The following NLGN4X variants were observed in gnomAD, a reference collection of about 807,000 sequenced individuals.
NLGN4X encodes neuroligin 4 X-linked.
A neutral mutation model predicts 40.3 loss-of-function variants in NLGN4X; 3 were observed. The ratio of observed to expected loss-of-function variants is 0.07; its 90% CI spans 0.03 to 0.19. NLGN4X has a LOEUF of 0.19. Among genes scored for constraint, NLGN4X ranks in the 10% least tolerant of loss-of-function variants. NLGN4X has a pLI of 1.00. For missense variants in NLGN4X, 382 were observed against 708.3 expected (o/e 0.54, Z 5.23); for synonymous variants, 270 against 306.8 (o/e 0.88, Z 1.25).
At chrX:6,198,887 G>A (rs948473217) in intron 1 of NLGN4X, among the ~76,000 whole-genome samples, 2 of 111,483 alleles carry the variant, frequency 1.8e-5, no homozygotes, top group African/African-American at 6.5e-5. Context: ...ACAAAAACAG[G>A]AAAATACAAA....
chrX:6,017,764 G>C (rs2036430288), intron 3 of NLGN4X, among the ~76,000 whole-genome samples: 1 of 111,775 alleles, frequency 8.9e-6, no homozygotes, highest in Non-Finnish European at 1.9e-5. Flanking sequence ...CTCCCAGTCA[G>C]CCACACAATC....
At chrX:6,163,864 G>A (rs1176505617) in intron 1 of NLGN4X, among the ~76,000 whole-genome samples, 1 of 112,950 alleles carries the variant, frequency 8.9e-6, no homozygotes, top group Non-Finnish European at 1.9e-5. Context: ...ACTAATACTT[G>A]AACTTGGAAG....
intron 2 of NLGN4X, among the ~76,000 whole-genome samples, chrX:6,042,787 C>G (rs1410119169): frequency 2.2e-5 from 2 of 89,371 alleles, no homozygotes; most frequent in East Asian, 7.4e-4. Context: ...TACTAGAAAC[C>G]TAATAATGCC....
intron 1 of NLGN4X, among the ~76,000 whole-genome samples, chrX:6,170,921 T>C (rs771549660): frequency 2.7e-5 from 3 of 111,465 alleles, no homozygotes; most frequent in East Asian, 5.7e-4. Flanking sequence ...CCTTCCAGGC[T>C]CCAGCAATCT....
chrX:6,147,468 A>G (rs1382248942), intron 2 of NLGN4X, among the ~76,000 whole-genome samples: 1 of 112,361 alleles, frequency 8.9e-6, no homozygotes, highest in Non-Finnish European at 1.9e-5. Context: ...TTCTGTGTTC[A>G]GTCTCCTTGG....
At chrX:6,167,059 G>A (rs1436400754) in intron 1 of NLGN4X, among the ~76,000 whole-genome samples, 7 of 69,825 alleles carry the variant, frequency 1.0e-4, no homozygotes, top group Admixed American at 3.9e-4. Flanking sequence ...GTGACAGAGT[G>A]AAACTGTCTC....
At chrX:6,165,298 A>ATG (rs1174525552) in intron 1 of NLGN4X, among the ~76,000 whole-genome samples, 1 of 111,579 alleles carries the variant, frequency 9.0e-6, no homozygotes, top group African/African-American at 3.3e-5. Context: ...GAAGAATAGG[A>ATG]TGGAAGAAAA....
chrX:5,935,663 T>C (rs1014759640), intron 3 of NLGN4X, among the ~76,000 whole-genome samples: 4 of 112,101 alleles, frequency 3.6e-5, no homozygotes, highest in Non-Finnish European at 7.5e-5. Flanking sequence ...CTGAACTCTT[T>C]ACATAAGGCC....
chrX:6,199,752 A>T (rs1469730934), intron 1 of NLGN4X, among the ~76,000 whole-genome samples: 1 of 112,369 alleles, frequency 8.9e-6, no homozygotes, highest in African/African-American at 3.2e-5. Flanking sequence ...AAATACAGGC[A>T]AAAAATGTAA....
chrX:6,075,881 C>A (rs191539364), intron 2 of NLGN4X, among the ~76,000 whole-genome samples: 115 of 111,526 alleles, frequency 1.0e-3, no homozygotes, highest in African/African-American at 3.5e-3. Flanking sequence ...ATATGTCACC[C>A]AGTCTCAGAG....
chrX:6,018,921 C>T (rs763749244), intron 3 of NLGN4X, among the ~76,000 whole-genome samples: 157 of 112,420 alleles, frequency 1.4e-3, no homozygotes, highest in Non-Finnish European at 2.6e-3. Context: ...ACTTTTTACA[C>T]TGAAAATTAA....
intron 3 of NLGN4X, among the ~76,000 whole-genome samples, chrX:5,947,257 C>T (rs1199077200): frequency 4.5e-5 from 5 of 111,686 alleles, no homozygotes; most frequent in Non-Finnish European, 9.4e-5. Context: ...ACGGAATGGC[C>T]ACACTGCTTT....
At chrX:6,225,899 C>A (rs368595051) in intron 1 of NLGN4X, among the ~76,000 whole-genome samples, 39 of 84,393 alleles carry the variant, frequency 4.6e-4, no homozygotes, top group Admixed American at 6.3e-4. Flanking sequence ...CCGCCCCCCC[C>A]AAAAAAAATG....
At chrX:6,120,112 C>A (rs955156881) in intron 2 of NLGN4X, among the ~76,000 whole-genome samples, 5 of 111,281 alleles carry the variant, frequency 4.5e-5, no homozygotes, top group Non-Finnish European at 9.4e-5. Flanking sequence ...AAGCCCGAAG[C>A]TGCAATGAGC....
At chrX:6,158,612 C>T (rs996880059) in intron 1 of NLGN4X, among the ~76,000 whole-genome samples, 1 of 112,306 alleles carries the variant, frequency 8.9e-6, no homozygotes, top group Admixed American at 9.4e-5. Context: ...GAAACATGCA[C>T]GGAAATGTCC....
chrX:6,134,968 G>T (rs1054381362), intron 2 of NLGN4X, among the ~76,000 whole-genome samples: 1 of 112,829 alleles, frequency 8.9e-6, no homozygotes, highest in African/African-American at 3.2e-5. Flanking sequence ...AAACGCTTAG[G>T]CTGAAGTTTG....
chrX:6,202,630 C>T (rs1427501011), intron 1 of NLGN4X, among the ~76,000 whole-genome samples: 1 of 111,013 alleles, frequency 9.0e-6, no homozygotes, highest in Non-Finnish European at 1.9e-5. Flanking sequence ...CCACCATGCC[C>T]CTCTGAAAAC....
intron 3 of NLGN4X, among the ~76,000 whole-genome samples, chrX:5,962,496 T>C (rs1157070681): frequency 8.9e-6 from 1 of 112,432 alleles, no homozygotes; most frequent in Non-Finnish European, 1.9e-5. Flanking sequence ...GTTTTCTAGA[T>C]GAATAATAAC....
intron 5 of NLGN4X, among the ~76,000 whole-genome samples, chrX:5,897,525 C>T (rs1244072685): frequency 8.9e-6 from 1 of 112,167 alleles, no homozygotes. Context: ...TTTGGGCTCA[C>T]ACGGTTCTCT....
Sources: allele counts gnomAD v4.1 joint callset (sites outside exome capture counted in the v4.1 genomes callset), GRCh38; gene constraint gnomAD v4.1.1; transcripts MANE v1.5; gene names NCBI Gene and HGNC (gene_info 2026-07-23, HGNC 2026-07-21).